ANKRD54: variants seen among roughly 807,000 people sequenced by gnomAD.
The protein encoded by ANKRD54 is ankyrin repeat domain 54.
In ANKRD54, 26 loss-of-function variants were observed where a neutral mutation model predicts 36.2. The observed-to-expected ratio is 0.72, with a 90% CI of 0.53 to 1.00. The LOEUF is 1.00. ANKRD54 is among the 50% of genes least tolerant of loss of function. The pLI is 0.00. For synonymous variants in ANKRD54, 209 were observed against 188.4 expected (o/e 1.11, Z -0.89); for missense variants, 384 against 424.3 (o/e 0.91, Z 0.83).
In ANKRD54 at chr22:37,842,659, A is replaced by C. The variant is rs1214434678; in HGVS notation, c.328+1252T>G. Among the ~76,000 whole-genome samples the C allele has an allele frequency of 2.0e-5, 3 of 152,224 alleles. No homozygotes were observed. The East Asian group carries it at 5.8e-4, about 29-fold the overall frequency. On this transcript the variant is annotated intron_variant, in intron 1 of 7. Transcript: ENST00000215941. ...CTTTGTCATCGGAGATATGGTCAAA[A>C]ATTGCAATTCAGATACATGACAATT...
At chr22:37,834,521 CCT>C (rs2145961295) in intron 3 of ANKRD54, 1 of 149,468 alleles carries the variant, frequency 6.7e-6, no homozygotes. Context: ...ATGGAGAAAC[CCT>C]TTCTCTATAC....
intron 3 of ANKRD54, among the ~76,000 whole-genome samples, chr22:37,838,208 T>C (rs1455047613): frequency 6.6e-6 from 1 of 152,124 alleles, no homozygotes; most frequent in Non-Finnish European, 1.5e-5. Context: ...AAATGTTACC[T>C]GAAAGTCTTG....
rs572419291 is a variant in ANKRD54, at chr22:37,838,661, C to G, written c.377-63G>C. The G allele has an allele frequency of 2.3e-4, 349 of 1,523,066 alleles. No individual in the cohort carries two copies. In the African/African-American group the frequency reaches 4.6e-3, roughly 20 times the overall value. 94.3% of individuals were successfully genotyped at this position (1,523,066 alleles called of 1,614,324 possible). On this transcript the variant is annotated intron_variant, in intron 2 of 7. Transcript: ENST00000215941. ...GCGGCGATGTTAGCTAAGCTGCAGA[C>G]CCGAGCGATGGAGAGGGAGGCTCAG...
intron 1 of ANKRD54, among the ~76,000 whole-genome samples, chr22:37,840,868 C>CA (rs1293929096): frequency 1.3e-5 from 2 of 152,058 alleles, no homozygotes; most frequent in Non-Finnish European, 2.9e-5. Context: ...GCCTGGGTGA[C>CA]AGAGTGAGAC....
chr22:37,843,930 G>C lies in ANKRD54; in HGVS notation c.309C>G (p.Pro103=), dbSNP rs755406916. 6 of 1,355,276 alleles carry C rather than the reference G, an allele frequency of 4.4e-6. No individual in the cohort carries two copies. Among genetic ancestry groups the C allele is most frequent in the Middle Eastern group, 2.7e-4 (1 of 3,672 alleles). 84.0% of individuals were successfully genotyped at this position (1,355,276 alleles called of 1,614,324 possible). The change falls in exon 1 of 8, where the codon CCC becomes CCG. Residue 103 remains proline, a synonymous_variant. Coordinates refer to ENST00000215941, the MANE Select transcript of ANKRD54 (RefSeq NM_138797.4). The stretch of plus-strand genomic sequence containing the variant: ...GCTCACCGTGCACCTCCTTGCCCGT[G>C]GGCCCGAGCCGCCGGTGGGGCCTGG... ...RAARPHRRLG[P]TGKEVHALKR...
intron 3 of ANKRD54, among the ~76,000 whole-genome samples, chr22:37,837,029 A>C (rs1028315712): frequency 6.8e-6 from 1 of 146,354 alleles, no homozygotes; most frequent in Non-Finnish European, 1.5e-5. Flanking sequence ...CTCCGTCTCA[A>C]AAAAAAAAAA....
In ANKRD54 at chr22:37,832,523, T is replaced by C. The variant is rs1305381700; in HGVS notation, c.828+114A>G. ...GATTACAGGTGTGAGCCCCTGCGGC[T>C]GGCCCCAGCCCACAGCCTCTTTCTG... On this transcript the variant is annotated intron_variant, in intron 7 of 7. Transcript: ENST00000215941. 7.4e-6 allele frequency: 7 copies of C among 941,782 alleles called. 1 individual carries two copies. The highest frequency in any genetic ancestry group is 4.9e-5 in the African/African-American group (3 of 60,636). The allele number at this position is 941,782 out of a possible 1,614,324, so 58.3% of individuals were successfully genotyped here. A position where few individuals can be genotyped will look rare whatever the true frequency, so the allele number is the denominator to read the frequency against.
chr22:37,833,998 G>C (rs1363364846), intron 3 of ANKRD54: 2 of 472,990 alleles, frequency 4.2e-6, no homozygotes, highest in Non-Finnish European at 7.8e-6. Flanking sequence ...GTAGGAATGA[G>C]ATTTGAAGGG....
Position 37,833,217 on chromosome 22 carries a change from A to G in ANKRD54, c.548-11T>C. On this transcript the variant is annotated splice_polypyrimidine_tract_variant and intron_variant, in intron 4 of 7. Coordinates refer to ENST00000215941, the MANE Select transcript of ANKRD54 (RefSeq NM_138797.4). ...GGTTGGTGCAGGCCGCTGAGGAAGA[A>G]CAACAGAGACTTAAGAATCCAGGAC... 5 of 1,613,266 alleles carry G rather than the reference A, an allele frequency of 3.1e-6. No individual in the cohort carries two copies. Among genetic ancestry groups the G allele is most frequent in the Non-Finnish European group, 4.2e-6 (5 of 1,179,896 alleles).
chr22:37,836,567 C>CA (rs1409654402), intron 3 of ANKRD54, among the ~76,000 whole-genome samples: 2 of 129,674 alleles, frequency 1.5e-5, no homozygotes, highest in Non-Finnish European at 3.2e-5. Context: ...CAGGGCCTGT[C>CA]GGGGGGTGGG....
chr22:37,837,132 A>T (rs572816043), intron 3 of ANKRD54, among the ~76,000 whole-genome samples: 4 of 152,164 alleles, frequency 2.6e-5, no homozygotes, highest in Non-Finnish European at 5.9e-5. Context: ...AAGGGTTAAG[A>T]TTAAAGAGAG....
upstream of ANKRD54, chr22:37,844,489 T>A (rs1924708079): frequency 2.4e-6 from 1 of 420,700 alleles, no homozygotes; most frequent in Non-Finnish European, 4.2e-6. Flanking sequence ...TTGGACAGGG[T>A]TTCCGGCAAC....
upstream of ANKRD54, chr22:37,848,111 G>A (rs377109252): frequency 6.5e-6 from 1 of 153,766 alleles, no homozygotes; most frequent in African/African-American, 2.4e-5. Flanking sequence ...CAGTGGCGGA[G>A]TAGGGACTGG....
chr22:37,832,801 T>A, intron 6 of ANKRD54, 57 bp from the exon 7 acceptor site: 1 of 1,606,342 alleles, frequency 6.2e-7, no homozygotes. Context: ...GACAGGCTGA[T>A]GCTGCTTCCA....
intron 1 of ANKRD54, chr22:37,843,515 T>G (rs1924546554): frequency 6.3e-6 from 1 of 158,576 alleles, no homozygotes; most frequent in Admixed American, 6.5e-5. Context: ...AAGGTCTAAC[T>G]GTGGTAAAGG....
At chr22:37,836,507 G>A (rs1486904924) in intron 3 of ANKRD54, among the ~76,000 whole-genome samples, 2 of 146,848 alleles carry the variant, frequency 1.4e-5, no homozygotes, top group African/African-American at 5.1e-5. Flanking sequence ...TCATAAAAGA[G>A]GATGTAAAAA....
In ANKRD54 at chr22:37,832,629, C is replaced by A. The variant is rs927580446; in HGVS notation, c.828+8G>T. 6.2e-7 allele frequency: 1 copy of A among 1,610,772 alleles called. No individual in the cohort carries two copies. The highest frequency in any genetic ancestry group is 1.4e-5 in the African/African-American group (1 of 72,620). ...GGCCCTGGGTCTGGGCCTGTGGCTG[C>A]AGCTCACCTGCTCTTTGGTACTGGT... On this transcript the variant is annotated splice_region_variant and intron_variant, in intron 7 of 7. Coordinates refer to ENST00000215941, the MANE Select transcript of ANKRD54 (RefSeq NM_138797.4).
chr22:37,844,361 G>C (rs141002682), upstream of ANKRD54: 55,263 of 1,137,620 alleles, frequency 0.049, 1,542 homozygotes, highest in Non-Finnish European at 0.057. Context: ...CCGCAACCAC[G>C]GCAACCGAGC....
chr22:37,837,661 A>C (rs1923718453), intron 3 of ANKRD54, among the ~76,000 whole-genome samples: 1 of 152,238 alleles, frequency 6.6e-6, no homozygotes, highest in African/African-American at 2.4e-5. Flanking sequence ...TATAGGCAGT[A>C]TTCATGGGTG....
Sources: gnomAD v4.1 joint callset for allele counts (sites outside exome capture counted in the v4.1 genomes callset) on GRCh38, gnomAD v4.1.1 for gene constraint, MANE v1.5 for transcripts, NCBI Gene and HGNC (gene_info 2026-07-23, HGNC 2026-07-21) for gene names.